Variants in ATRNL1 observed in about 807,000 individuals in gnomAD.
ATRNL1 encodes attractin like 1.
Under a neutral mutation model 182.7 loss-of-function variants are expected in ATRNL1, and 95 were observed. That is an observed-to-expected ratio of 0.52 (90% CI 0.44 to 0.62). The LOEUF is 0.62. Among genes scored for constraint, ATRNL1 ranks in the 20% least tolerant of loss-of-function variants. ATRNL1 has a pLI of 0.00. For synonymous variants in ATRNL1, 576 were observed against 568.3 expected, an observed-to-expected ratio of 1.01 and a Z score of -0.19; for missense variants, 1,471 against 1,679.5, an observed-to-expected ratio of 0.88 and a Z score of 2.17.
chr10:115,330,578 C>T (rs530449472), intron 18 of ATRNL1, among the ~76,000 whole-genome samples: 25 of 150,390 alleles, frequency 1.7e-4, no homozygotes, highest in Non-Finnish European at 3.2e-4. Flanking sequence ...GTTTTGTTGT[C>T]TTTGAATATG....
At chr10:115,609,380 C>T (rs1555018352) in intron 26 of ATRNL1, among the ~76,000 whole-genome samples, 1 of 152,056 alleles carries the variant, frequency 6.6e-6, no homozygotes, top group African/African-American at 2.4e-5. Flanking sequence ...AGAAGTTACA[C>T]CCACAGGGAA....
intron 27 of ATRNL1, among the ~76,000 whole-genome samples, chr10:115,741,614 T>C (rs1469593803): frequency 6.6e-6 from 1 of 152,142 alleles, no homozygotes; most frequent in African/African-American, 2.4e-5. Flanking sequence ...TAGCATCAAC[T>C]GGATTGAAGA....
intron 27 of ATRNL1, among the ~76,000 whole-genome samples, chr10:115,761,122 C>T (rs1182750743): frequency 6.6e-6 from 1 of 151,004 alleles, no homozygotes; most frequent in African/African-American, 2.4e-5. Flanking sequence ...TTAAAAAAAT[C>T]AAATCATGTA....
intron 26 of ATRNL1, among the ~76,000 whole-genome samples, chr10:115,691,064 T>C (rs1214939201): frequency 6.6e-6 from 1 of 152,202 alleles, no homozygotes; most frequent in African/African-American, 2.4e-5. Context: ...CAGTATTCTT[T>C]CCTAGATGTT....
At chr10:115,114,281 A>T (rs1844382755) in intron 1 of ATRNL1, among the ~76,000 whole-genome samples, 1 of 152,218 alleles carries the variant, frequency 6.6e-6, no homozygotes, top group Non-Finnish European at 1.5e-5. Context: ...TAAATGGAAG[A>T]TCTGAAACTA....
intron 26 of ATRNL1, among the ~76,000 whole-genome samples, chr10:115,622,311 G>A (rs371132985): frequency 5.3e-5 from 8 of 152,272 alleles, no homozygotes; most frequent in Non-Finnish European, 1.0e-4. Flanking sequence ...TTGGTGACAA[G>A]GGCTTATCTC....
At chr10:115,536,729 G>A (rs1456621981) in intron 25 of ATRNL1, among the ~76,000 whole-genome samples, 1 of 152,168 alleles carries the variant, frequency 6.6e-6, no homozygotes, top group Non-Finnish European at 1.5e-5. Context: ...CTGCAGACCG[G>A]AGCTGTTCCT....
In ATRNL1 at chr10:115,946,724, T is replaced by C. The variant is rs1037619585; in HGVS notation, c.*1945T>C. The C allele has an allele frequency of 1.3e-5, 2 of 152,136 alleles. No individual in the cohort carries two copies. Among genetic ancestry groups the C allele is most frequent in the Non-Finnish European group, 2.9e-5 (2 of 68,016 alleles). The allele number at this position is 152,136 out of a possible 1,614,324, so 9.4% of individuals were successfully genotyped here. A position where few individuals can be genotyped will look rare whatever the true frequency, so the allele number is the denominator to read the frequency against. On this transcript the variant is annotated 3_prime_UTR_variant, in exon 29 of 29. Transcript: ENST00000355044. ...ACAATCAAGTAATTTTATTAGCTTC[T>C]TTTGGACCCTCTAAATATTGACTTC...
intron 25 of ATRNL1, among the ~76,000 whole-genome samples, chr10:115,545,234 C>CAAAAAAAAAAAAAA (rs71010026): frequency 1.1e-5 from 1 of 94,860 alleles, no homozygotes; most frequent in Non-Finnish European, 2.0e-5. Context: ...GACTCCGTAT[C>CAAAAAAAAAAAAAA]AAAAAAAAAA....
chr10:115,212,032 A>G (rs781914372), intron 8 of ATRNL1, among the ~76,000 whole-genome samples: 20 of 150,366 alleles, frequency 1.3e-4, no homozygotes, highest in Non-Finnish European at 2.7e-4. Context: ...TATAATTTTA[A>G]CTTTTATTTT....
chr10:115,765,212 A>G (rs1397225871), intron 27 of ATRNL1, among the ~76,000 whole-genome samples: 1 of 152,174 alleles, frequency 6.6e-6, no homozygotes, highest in Non-Finnish European at 1.5e-5. Flanking sequence ...GCTGGATCAT[A>G]TGGTCAGGGT....
intron 21 of ATRNL1, among the ~76,000 whole-genome samples, chr10:115,427,005 G>A (rs146646511): frequency 0.012 from 1,787 of 152,248 alleles, 34 homozygotes; most frequent in African/African-American, 0.04. Context: ...TTACAGGCGT[G>A]AGCCACTGCA....
chr10:115,417,852 C>G (rs188084143), intron 20 of ATRNL1, among the ~76,000 whole-genome samples: 1 of 152,148 alleles, frequency 6.6e-6, no homozygotes, highest in African/African-American at 2.4e-5. Context: ...TTAGACTGCC[C>G]TCTAGTGTTT....
intron 25 of ATRNL1, among the ~76,000 whole-genome samples, chr10:115,540,327 C>T (rs531369472): frequency 6.6e-6 from 1 of 152,152 alleles, no homozygotes; most frequent in African/African-American, 2.4e-5. Flanking sequence ...TCAAGAAGCA[C>T]TTCAAAAGCT....
chr10:115,757,584 C>A (rs1948623472), intron 27 of ATRNL1, among the ~76,000 whole-genome samples: 1 of 152,086 alleles, frequency 6.6e-6, no homozygotes, highest in South Asian at 2.1e-4. Flanking sequence ...CTTTGGCTGC[C>A]CTTAACATTT....
intron 10 of ATRNL1, among the ~76,000 whole-genome samples, chr10:115,252,878 C>G (rs918100636): frequency 6.6e-6 from 1 of 152,100 alleles, no homozygotes; most frequent in Non-Finnish European, 1.5e-5. Flanking sequence ...CTATACTATT[C>G]CCTTCTATTG....
intron 28 of ATRNL1, among the ~76,000 whole-genome samples, chr10:115,917,481 A>AAG (rs1396729874): frequency 0.011 from 89 of 8,434 alleles, 1 homozygote; most frequent in African/African-American, 0.012. Context: ...AAAAAAAAAA[A>AAG]AAAAGAAAAA....
intron 28 of ATRNL1, among the ~76,000 whole-genome samples, chr10:115,913,140 AATTGCAGT>A (rs1439038622): frequency 2.7e-4 from 41 of 152,352 alleles, no homozygotes; most frequent in Non-Finnish European, 2.5e-4. Flanking sequence ...TTATGAACTA[AATTGCAGT>A]ATGTGTCTAA....
At chr10:115,501,496 T>C (rs1288643322) in intron 24 of ATRNL1, among the ~76,000 whole-genome samples, 1 of 152,178 alleles carries the variant, frequency 6.6e-6, no homozygotes, top group Non-Finnish European at 1.5e-5. Flanking sequence ...ATCATTCCTG[T>C]TAATGCTTTG....
Sources: allele counts gnomAD v4.1 joint callset (sites outside exome capture counted in the v4.1 genomes callset), GRCh38; gene constraint gnomAD v4.1.1; transcripts MANE v1.5; gene names NCBI Gene and HGNC (gene_info 2026-07-23, HGNC 2026-07-21).